The following CAAP1 variants were observed in gnomAD, a reference collection of about 807,000 sequenced individuals.
CAAP1 encodes the protein caspase activity and apoptosis inhibitor 1.
In CAAP1, 20 loss-of-function variants were observed where a neutral mutation model predicts 34.0. The observed-to-expected ratio is 0.59, with a 90% CI of 0.41 to 0.86. The LOEUF (loss-of-function observed/expected upper bound fraction) is 0.86, where lower values mean the gene tolerates loss of function less well. Among genes scored for constraint, CAAP1 ranks in the 40% least tolerant of loss-of-function variants. The pLI is 0.00. For missense variants in CAAP1, 538 were observed against 450.5 expected, an observed-to-expected ratio of 1.19 and a Z score of -1.76; for synonymous variants, 213 against 166.7, an observed-to-expected ratio of 1.28 and a Z score of -2.14.
intron 1 of CAAP1, 178 bp downstream of exon 1, chr9:26,892,235 C>A: frequency 3.4e-6 from 5 of 1,452,506 alleles, no homozygotes; most frequent in Non-Finnish European, 2.7e-6. Context: ...AGATTCAAGA[C>A]ACGGATGGGA....
intron 4 of CAAP1, among the ~76,000 whole-genome samples, chr9:26,867,289 C>A (rs1823162984): frequency 1.3e-5 from 2 of 152,208 alleles, no homozygotes; most frequent in Non-Finnish European, 2.9e-5. Context: ...GCCAACATCT[C>A]TGACTCTGCT....
At chr9:26,889,967 C>G (rs1224731014) in intron 1 of CAAP1, among the ~76,000 whole-genome samples, 1 of 151,794 alleles carries the variant, frequency 6.6e-6, no homozygotes, top group African/African-American at 2.4e-5. Flanking sequence ...ATGCAATGAC[C>G]TTTTCTTCAC....
intron 4 of CAAP1, among the ~76,000 whole-genome samples, chr9:26,862,293 C>A (rs778722020): frequency 2.6e-5 from 4 of 151,914 alleles, no homozygotes; most frequent in Non-Finnish European, 4.4e-5. Flanking sequence ...ACCTTCCAGT[C>A]AAATTAGATT....
chr9:26,846,814 A>C (rs1822621656), intron 5 of CAAP1, among the ~76,000 whole-genome samples: 1 of 151,958 alleles, frequency 6.6e-6, no homozygotes, highest in African/African-American at 2.4e-5. Flanking sequence ...CAGCCTCCCA[A>C]GTAGCTGGGA....
At position 26,874,078 on chromosome 9, in the gene CAAP1, G is replaced by A. The variant is rs545628770; in HGVS notation, c.665+10732C>T. The stretch of plus-strand genomic sequence containing the variant: ...AAAAATTAGCCGGATGTGGTGGCAG[G>A]CACCTGTGGTCCCAGCTGCTCGGGA... On this transcript the variant is annotated intron_variant, in intron 4 of 5. Coordinates refer to ENST00000333916, the MANE Select transcript of CAAP1 (RefSeq NM_024828.4). Among the ~76,000 whole-genome samples the A allele has an allele frequency of 4.0e-5, 6 of 151,656 alleles. No homozygotes were observed. In the South Asian group the frequency reaches 8.3e-4, roughly 21 times the overall value.
intron 5 of CAAP1, among the ~76,000 whole-genome samples, chr9:26,846,517 A>G (rs189776978): frequency 6.6e-6 from 1 of 151,756 alleles, no homozygotes; most frequent in Admixed American, 6.6e-5. Context: ...TTCTTTTGTC[A>G]ATTTGATCCT....
chr9:26,847,036 A>T (rs1168096291), intron 5 of CAAP1, among the ~76,000 whole-genome samples: 1 of 151,450 alleles, frequency 6.6e-6, no homozygotes, highest in Non-Finnish European at 1.5e-5. Flanking sequence ...CACTGTTAAT[A>T]ACTTATTTAT....
At chr9:26,892,079 GA>G (rs1274711529) in intron 1 of CAAP1, among the ~76,000 whole-genome samples, 2 of 152,240 alleles carry the variant, frequency 1.3e-5, no homozygotes, top group Non-Finnish European at 2.9e-5. Context: ...GACGAAGGGA[GA>G]AGTGTTTGGC....
chr9:26,880,920 A>C (rs12344293), intron 4 of CAAP1, among the ~76,000 whole-genome samples: 6,495 of 151,930 alleles, frequency 0.043, 472 homozygotes, highest in African/African-American at 0.15. Flanking sequence ...AAGTGATCCA[A>C]CCACCTTAGT....
At position 26,844,844 on chromosome 9, in the gene CAAP1, A is replaced by C. The variant is rs528881347; in HGVS notation, c.740-2197T>G. 5.1e-4 allele frequency among the ~76,000 whole-genome samples: 78 copies of C among 152,218 alleles called. 1 individual carries two copies. Among genetic ancestry groups the C allele is most frequent in the African/African-American group, 1.7e-3 (72 of 41,538 alleles). ...TTTTTTTCTGTGGCAACTTTCAGGAACTTTTTTTATTCTTGAATTCTATTT... is the reference window on the plus strand; with the variant it reads ...TTTTTTTCTGTGGCAACTTTCAGGACCTTTTTTTATTCTTGAATTCTATTT... On this transcript the variant is annotated intron_variant, in intron 5 of 5. Transcript: ENST00000333916.
chr9:26,861,161 A>G, intron 4 of CAAP1, 22 bp from the exon 5 acceptor site: 1 of 1,514,580 alleles, frequency 6.6e-7, no homozygotes, highest in Non-Finnish European at 9.2e-7. Context: ...AAATAAGATC[A>G]ACCTTTAAAA....
chr9:26,882,632 G>A (rs1342340135), intron 4 of CAAP1, among the ~76,000 whole-genome samples: 2 of 152,180 alleles, frequency 1.3e-5, no homozygotes, highest in African/African-American at 2.4e-5. Context: ...CTTCATTGGC[G>A]CACTGCCCTA....
chr9:26,874,402 T>A (rs1823370458), intron 4 of CAAP1, among the ~76,000 whole-genome samples: 1 of 151,986 alleles, frequency 6.6e-6, no homozygotes, highest in Non-Finnish European at 1.5e-5. Context: ...TTCTACCTAT[T>A]TTGAAATAAA....
rs773116778 is a variant in CAAP1, at chr9:26,887,361, A to G, written c.456T>C (p.Cys152=). ...DKKEMLQQCF[C]IIGEKKLQKM... ...TCTGTAACTTTTTCTCTCCTATAAT[A>G]CAGAAGCACTGCTGAAGCATTTCTT... Residue 152 remains cysteine, a synonymous_variant, in exon 2 of 6, where the codon TGT becomes TGC. Transcript: ENST00000333916. The G allele has an allele frequency of 6.8e-6, 11 of 1,610,436 alleles. No individual in the cohort carries two copies. The highest frequency in any genetic ancestry group is 1.1e-5 in the South Asian group (1 of 90,296).
intron 4 of CAAP1, among the ~76,000 whole-genome samples, chr9:26,868,422 C>G (rs1350204229): frequency 6.6e-6 from 1 of 152,124 alleles, no homozygotes; most frequent in Non-Finnish European, 1.5e-5. Context: ...AGAATATAAG[C>G]AGTAACTGGA....
In CAAP1 at chr9:26,858,718, G is replaced by A. The variant is rs568948025; in HGVS notation, c.739+2348C>T. ...AGCGCCTGTAGTCCCAGCTACTTGG[G>A]AGGCTGAGGCAGGGGAATGGTGTGA... On this transcript the variant is annotated intron_variant, in intron 5 of 5. Transcript: ENST00000333916. Among the ~76,000 whole-genome samples, 5 of 152,126 alleles carry A rather than the reference G, an allele frequency of 3.3e-5. No homozygotes were observed. The South Asian group carries it at 1.0e-3, about 32-fold the overall frequency.
chr9:26,857,845 T>C (rs1178756021), intron 5 of CAAP1, among the ~76,000 whole-genome samples: 1 of 152,026 alleles, frequency 6.6e-6, no homozygotes, highest in Non-Finnish European at 1.5e-5. Flanking sequence ...AAATATTTTC[T>C]AGCAACAAAG....
intron 5 of CAAP1, among the ~76,000 whole-genome samples, chr9:26,854,517 G>T (rs572396968): frequency 6.6e-6 from 1 of 152,190 alleles, no homozygotes; most frequent in African/African-American, 2.4e-5. Flanking sequence ...TCCCTTAAAT[G>T]ATATATTTAC....
chr9:26,866,505 T>C (rs1211864207), intron 4 of CAAP1, among the ~76,000 whole-genome samples: 2 of 152,216 alleles, frequency 1.3e-5, no homozygotes, highest in Admixed American at 1.3e-4. Flanking sequence ...TTAAAATCTT[T>C]GTATTATGTG....
Sources: allele counts gnomAD v4.1 joint callset (sites outside exome capture counted in the v4.1 genomes callset), GRCh38; gene constraint gnomAD v4.1.1; transcripts MANE v1.5; gene names NCBI Gene and HGNC (gene_info 2026-07-23, HGNC 2026-07-21).